Variants in SPTLC3 observed in about 807,000 individuals in gnomAD.
SPTLC3 encodes the protein serine palmitoyltransferase 3.
Under a neutral mutation model 59.3 loss-of-function variants are expected in SPTLC3, and 36 were observed. The observed-to-expected ratio is 0.61, with a 90% CI of 0.47 to 0.80. SPTLC3 has a LOEUF of 0.80. Ranked by LOEUF, SPTLC3 falls within the 30% of genes least tolerant of loss-of-function variation. SPTLC3 has a pLI of 0.00. For synonymous variants in SPTLC3, 257 were observed against 240.8 expected, an observed-to-expected ratio of 1.07 and a Z score of -0.62; for missense variants, 625 against 685.1, an observed-to-expected ratio of 0.91 and a Z score of 0.98.
intron 2 of SPTLC3, among the ~76,000 whole-genome samples, chr20:13,052,401 G>C (rs948996329): frequency 2.6e-5 from 4 of 152,144 alleles, no homozygotes; most frequent in African/African-American, 9.7e-5. Flanking sequence ...TCCCTCAGGC[G>C]CCTACACCAC....
chr20:13,072,795 T>A (rs1320733286), intron 3 of SPTLC3, among the ~76,000 whole-genome samples: 1 of 152,210 alleles, frequency 6.6e-6, no homozygotes, highest in African/African-American at 2.4e-5. Flanking sequence ...ATGAGTGTCA[T>A]AGAAATAAGT....
chr20:13,022,469 C>A (rs567719968), intron 1 of SPTLC3, among the ~76,000 whole-genome samples: 3 of 152,164 alleles, frequency 2.0e-5, no homozygotes, highest in Non-Finnish European at 4.4e-5. Context: ...ACAGTGAGGA[C>A]AGCTCTCCCC....
chr20:13,031,854 G>C (rs1986486601), intron 1 of SPTLC3, among the ~76,000 whole-genome samples: 1 of 152,064 alleles, frequency 6.6e-6, no homozygotes, highest in Non-Finnish European at 1.5e-5. Flanking sequence ...GTTTCTTTCG[G>C]GCTTTAACCC....
intron 2 of SPTLC3, among the ~76,000 whole-genome samples, chr20:13,052,638 C>G (rs1987544923): frequency 6.6e-6 from 1 of 152,190 alleles, no homozygotes; most frequent in South Asian, 2.1e-4. Context: ...CTAAGATCCA[C>G]TGGCTTGAAA....
At chr20:13,112,740 A>C (rs984124290) in intron 7 of SPTLC3, among the ~76,000 whole-genome samples, 9 of 152,220 alleles carry the variant, frequency 5.9e-5, no homozygotes, top group African/African-American at 2.2e-4. Flanking sequence ...GATAGGTAAC[A>C]GGGCATCTCT....
intron 1 of SPTLC3, among the ~76,000 whole-genome samples, chr20:13,009,902 G>T (rs1389153169): frequency 6.6e-6 from 1 of 152,146 alleles, no homozygotes; most frequent in African/African-American, 2.4e-5. Context: ...TTGATTTGAG[G>T]CCACAGTATT....
intron 9 of SPTLC3, among the ~76,000 whole-genome samples, chr20:13,136,274 A>C (rs1473891644): frequency 2.0e-5 from 3 of 152,160 alleles, no homozygotes; most frequent in African/African-American, 7.2e-5. Flanking sequence ...TTCTTCCTGG[A>C]AAACAATAGC....
At chr20:13,022,605 C>T (rs1985942990) in intron 1 of SPTLC3, among the ~76,000 whole-genome samples, 1 of 152,054 alleles carries the variant, frequency 6.6e-6, no homozygotes. Context: ...GCTGGGAAGG[C>T]CAAAGGGTGA....
intron 1 of SPTLC3, among the ~76,000 whole-genome samples, chr20:13,030,231 C>G (rs1480791608): frequency 6.6e-6 from 1 of 152,200 alleles, no homozygotes; most frequent in African/African-American, 2.4e-5. Flanking sequence ...TCAAAACACA[C>G]CTCTGTTGTT....
At chr20:13,050,787 A>T (rs1043340245) in intron 2 of SPTLC3, 48 of 152,198 alleles carry the variant, frequency 3.2e-4, no homozygotes, top group Admixed American at 2.9e-3. Flanking sequence ...CCCTCAAACA[A>T]AACAATTATC....
intron 1 of SPTLC3, among the ~76,000 whole-genome samples, chr20:13,037,745 C>T (rs946086377): frequency 3.3e-5 from 5 of 152,232 alleles, no homozygotes; most frequent in African/African-American, 9.6e-5. Flanking sequence ...ATAAATAATG[C>T]TAACTGCTGC....
chr20:13,069,283 T>TTCACTC (rs1988350751), intron 2 of SPTLC3, among the ~76,000 whole-genome samples: 1 of 151,866 alleles, frequency 6.6e-6, no homozygotes, highest in Non-Finnish European at 1.5e-5. Flanking sequence ...CTGACCAGAG[T>TTCACTC]TCAAGTCACG....
At chr20:13,035,650 C>T (rs1986702121) in intron 1 of SPTLC3, among the ~76,000 whole-genome samples, 1 of 152,138 alleles carries the variant, frequency 6.6e-6, no homozygotes, top group South Asian at 2.1e-4. Flanking sequence ...ATACAATTAT[C>T]AGGAAGGTGC....
chr20:13,141,308 C>T (rs2038378082), intron 9 of SPTLC3, among the ~76,000 whole-genome samples: 1 of 152,196 alleles, frequency 6.6e-6, no homozygotes, highest in African/African-American at 2.4e-5. Context: ...AGATTTACTC[C>T]TCACTCAAAT....
intron 9 of SPTLC3, among the ~76,000 whole-genome samples, chr20:13,133,274 A>G (rs184248695): frequency 7.7e-4 from 117 of 152,190 alleles, no homozygotes; most frequent in Non-Finnish European, 1.3e-3. Context: ...CTACCCCCAG[A>G]GATTTCTGCA....
Position 13,100,383 on chromosome 20 carries a change from T to TA in SPTLC3, c.826+6813dup, listed in dbSNP as rs111909476. Among the ~76,000 whole-genome samples the TA allele has an allele frequency of 2.0e-3, 305 of 152,202 alleles. 2 individuals carry two copies. The highest frequency in any genetic ancestry group is 7.0e-3 in the African/African-American group (291 of 41,536). On this transcript the variant is annotated intron_variant, in intron 6 of 11. Transcript: ENST00000399002. The stretch of plus-strand genomic sequence containing the variant: ...ATCAGAACACCGAAAGTCTATTTCC[T>TA]AAAAAAACAGGAAAAGACTCAGAAG...
intron 6 of SPTLC3, among the ~76,000 whole-genome samples, chr20:13,096,591 A>T (rs565097564): frequency 2.0e-5 from 3 of 152,280 alleles, no homozygotes; most frequent in East Asian, 3.9e-4. Flanking sequence ...AAAATAGACA[A>T]AACTAATCTA....
chr20:13,036,680 G>C (rs1986749722), intron 1 of SPTLC3, among the ~76,000 whole-genome samples: 1 of 151,900 alleles, frequency 6.6e-6, no homozygotes, highest in African/African-American at 2.4e-5. Flanking sequence ...GTTGTTCAAG[G>C]GTCAATGGTA....
chr20:13,160,552 T>C (rs1343798112), intron 11 of SPTLC3, among the ~76,000 whole-genome samples: 1 of 152,132 alleles, frequency 6.6e-6, no homozygotes, highest in Non-Finnish European at 1.5e-5. Flanking sequence ...CAAGAACAAA[T>C]CTACATTACA....
Sources: allele counts gnomAD v4.1 joint callset (sites outside exome capture counted in the v4.1 genomes callset), GRCh38; gene constraint gnomAD v4.1.1; transcripts MANE v1.5; gene names NCBI Gene and HGNC (gene_info 2026-07-23, HGNC 2026-07-21).